The following TTC27 variants were observed in gnomAD, a reference collection of about 807,000 sequenced individuals.
TTC27 encodes tetratricopeptide repeat protein 27.
TTC27 carries 79 observed loss-of-function variants against 115.9 expected under a neutral mutation model. That is an observed-to-expected ratio of 0.68 (90% CI 0.57 to 0.82). The LOEUF (loss-of-function observed/expected upper bound fraction) is 0.82, where lower values mean the gene tolerates loss of function less well. Among genes scored for constraint, TTC27 ranks in the 40% least tolerant of loss-of-function variants. TTC27 has a pLI of 0.00. For synonymous variants in TTC27, 401 were observed against 356.0 expected (o/e 1.13, Z -1.42); for missense variants, 1,054 against 993.1 (o/e 1.06, Z -0.82).
intron 12 of TTC27, among the ~76,000 whole-genome samples, chr2:32,744,241 A>T (rs967627623): frequency 6.6e-6 from 1 of 152,196 alleles, no homozygotes; most frequent in Non-Finnish European, 1.5e-5. Flanking sequence ...TGTATCTTGC[A>T]TAGATTCCTT....
intron 3 of TTC27, among the ~76,000 whole-genome samples, chr2:32,637,595 T>TCACA (rs1664477820): frequency 6.6e-6 from 1 of 152,202 alleles, no homozygotes; most frequent in Non-Finnish European, 1.5e-5. Flanking sequence ...CCTCCCAAAG[T>TCACA]GCTGAGATTC....
intron 3 of TTC27, chr2:32,635,364 C>T (rs1434604054): frequency 1.3e-5 from 2 of 153,944 alleles, no homozygotes; most frequent in Non-Finnish European, 1.5e-5. Context: ...GCAAAACAGA[C>T]CTAGTGTTAC....
intron 12 of TTC27, among the ~76,000 whole-genome samples, chr2:32,756,011 C>T (rs1045582455): frequency 1.2e-4 from 19 of 152,234 alleles, no homozygotes; most frequent in Non-Finnish European, 4.4e-5. Context: ...GTTTAACCCT[C>T]TTATGATCAC....
chr2:32,692,857 T>A (rs1666862155), intron 9 of TTC27, among the ~76,000 whole-genome samples: 1 of 151,874 alleles, frequency 6.6e-6, no homozygotes. Flanking sequence ...ACGCCTGTAA[T>A]CCCAGCTACT....
At chr2:32,770,017 T>C (rs994120556) in intron 13 of TTC27, among the ~76,000 whole-genome samples, 5 of 152,194 alleles carry the variant, frequency 3.3e-5, no homozygotes, top group Non-Finnish European at 7.4e-5. Flanking sequence ...TGGAAGTGAA[T>C]ATTGGTGTGA....
intron 10 of TTC27, among the ~76,000 whole-genome samples, chr2:32,724,384 G>C (rs1233913448): frequency 1.3e-5 from 2 of 152,136 alleles, no homozygotes; most frequent in East Asian, 3.8e-4. Context: ...CAGTGGAAGG[G>C]CAGGGGAGTC....
intron 18 of TTC27, among the ~76,000 whole-genome samples, chr2:32,817,248 A>T (rs555428048): frequency 5.2e-4 from 74 of 142,368 alleles, no homozygotes; most frequent in Non-Finnish European, 1.1e-3. Context: ...CCTGTATCTT[A>T]AAAAAAAAAA....
chr2:32,818,735 T>G (rs1671588130), intron 19 of TTC27, among the ~76,000 whole-genome samples: 1 of 152,212 alleles, frequency 6.6e-6, no homozygotes, highest in African/African-American at 2.4e-5. Context: ...GCAAAGTAAT[T>G]TTGACTTACT....
chr2:32,779,592 A>T lies in TTC27; in HGVS notation c.1779+1612A>T, dbSNP rs369990234. 2.3e-4 allele frequency among the ~76,000 whole-genome samples: 34 copies of T among 149,096 alleles called. No individual in the cohort carries two copies. The South Asian group carries it at 6.7e-3, about 29-fold the overall frequency. On this transcript the variant is annotated intron_variant, in intron 14 of 19. Transcript: ENST00000317907. ...GCAAATATTTTCTCCCATTCTGTTA[A>T]GTTTTTTTTTTTTCTCTCTATTGAT... is the stretch of plus-strand genomic sequence containing the variant.
At chr2:32,686,389 G>A (rs370694611) in intron 9 of TTC27, among the ~76,000 whole-genome samples, 29 of 151,852 alleles carry the variant, frequency 1.9e-4, no homozygotes, top group East Asian at 1.7e-3. Context: ...TTTCTGAGAC[G>A]TAGTCTTACT....
chr2:32,702,665 G>C, intron 9 of TTC27, 142 bp from the exon 10 acceptor site: 3 of 599,630 alleles, frequency 5.0e-6, no homozygotes, highest in Non-Finnish European at 8.9e-6. Context: ...GAGAAAAAGA[G>C]AACTTTTTGT....
chr2:32,670,998 T>G (rs986188954), intron 7 of TTC27, among the ~76,000 whole-genome samples: 1 of 151,128 alleles, frequency 6.6e-6, no homozygotes, highest in Non-Finnish European at 1.5e-5. Context: ...TGCAAGTCCC[T>G]TTTCAGATAT....
intron 10 of TTC27, among the ~76,000 whole-genome samples, chr2:32,710,911 C>T (rs1473301109): frequency 1.3e-5 from 2 of 150,900 alleles, no homozygotes; most frequent in Non-Finnish European, 3.0e-5. Context: ...GTTGGGAGTT[C>T]GAAACCAGCC....
rs1270641852 is a variant in TTC27 at position 32,736,711 on chromosome 2, G to T, written c.1347G>T (p.Leu449Phe). The change falls in exon 12 of 20, where the codon TTG becomes TTT. Residue 449 changes from leucine (L) to phenylalanine (F), a missense_variant. Physicochemically the swap from Leu to Phe is conservative, Grantham distance 22. Transcript: ENST00000317907. The part of the protein sequence containing the change: ...HWAIQRQLAS[L>F]LFELGCTSSA... ...TTTTCTAGCGCCAACTTGCAAGTTT[G>T]CTCTTTGAGTTGGGATGTACCAGTT... 1.2e-6 allele frequency: 2 copies of T among 1,613,858 alleles called. No individual in the cohort carries two copies. Among genetic ancestry groups the T allele is most frequent in the Admixed American group, 1.7e-5 (1 of 59,948 alleles).
intron 16 of TTC27, among the ~76,000 whole-genome samples, chr2:32,803,306 C>T (rs1271358073): frequency 1.3e-5 from 2 of 152,246 alleles, no homozygotes; most frequent in Non-Finnish European, 2.9e-5. Context: ...CTGCTCTCCA[C>T]CCTAGCCTGG....
intron 13 of TTC27, among the ~76,000 whole-genome samples, chr2:32,776,859 C>G (rs1054694378): frequency 6.6e-6 from 1 of 152,158 alleles, no homozygotes; most frequent in Non-Finnish European, 1.5e-5. Context: ...ATCCGCCCAC[C>G]TCGGCCTCCC....
chr2:32,628,632 C>G (rs959822648), intron 1 of TTC27, among the ~76,000 whole-genome samples: 1 of 152,192 alleles, frequency 6.6e-6, no homozygotes, highest in Non-Finnish European at 1.5e-5. Flanking sequence ...TTAACATGTA[C>G]TCAGTCATTT....
In TTC27 at chr2:32,672,271, G is replaced by T; in HGVS notation, c.940-1G>T. The T allele has an allele frequency of 6.2e-7, 1 of 1,609,778 alleles. No homozygotes were observed. Among genetic ancestry groups the T allele is most frequent in the South Asian group, 1.1e-5 (1 of 90,510 alleles). ...AAGTATTTTCTTTTGTATTCTACTA[G>T]AATCTTGAGCTCAATGATGACACCA... On this transcript the variant is annotated splice_acceptor_variant, in intron 7 of 19. Coordinates refer to ENST00000317907, the MANE Select transcript of TTC27 (RefSeq NM_017735.5). LOFTEE classifies it high-confidence loss of function.
chr2:32,777,484 T>C (rs1670034983), intron 13 of TTC27, among the ~76,000 whole-genome samples: 1 of 152,234 alleles, frequency 6.6e-6, no homozygotes, highest in Non-Finnish European at 1.5e-5. Context: ...ATAATTTGTA[T>C]TGTTTAGGGA....
Sources: allele counts gnomAD v4.1 joint callset (sites outside exome capture counted in the v4.1 genomes callset), GRCh38; gene constraint gnomAD v4.1.1; transcripts MANE v1.5; gene names NCBI Gene and HGNC (gene_info 2026-07-23, HGNC 2026-07-21).